SPIDR: variants seen among roughly 807,000 people sequenced by gnomAD.
SPIDR encodes scaffold protein involved in DNA repair, also known as DNA repair-scaffolding protein.
SPIDR carries 93 observed loss-of-function variants against 104.6 expected under a neutral mutation model. That is an observed-to-expected ratio of 0.89 (90% CI 0.75 to 1.06). The LOEUF (loss-of-function observed/expected upper bound fraction) is 1.06. SPIDR is among the 50% of genes least tolerant of loss of function. The probability of loss-of-function intolerance (pLI) is 0.00; values close to 1 mark genes in which losing one functional copy is unlikely to be tolerated. For synonymous variants in SPIDR, 431 were observed against 416.9 expected (o/e 1.03, Z -0.41); for missense variants, 1,154 against 1,111.2 (o/e 1.04, Z -0.55).
chr8:47,421,900 T>A (rs951292505), intron 7 of SPIDR, among the ~76,000 whole-genome samples: 1 of 152,210 alleles, frequency 6.6e-6, no homozygotes. Flanking sequence ...TGCCTGGGTA[T>A]CAGCAGCGGA....
intron 11 of SPIDR, among the ~76,000 whole-genome samples, chr8:47,686,653 A>G (rs2077868486): frequency 6.6e-6 from 1 of 152,214 alleles, no homozygotes; most frequent in African/African-American, 2.4e-5. Flanking sequence ...ACCAAATTCC[A>G]AAGTCTGATT....
intron 8 of SPIDR, among the ~76,000 whole-genome samples, chr8:47,515,131 A>G (rs2082920408): frequency 6.6e-6 from 1 of 152,196 alleles, no homozygotes; most frequent in African/African-American, 2.4e-5. Context: ...CTTAACCTCC[A>G]CATCTGACCC....
rs547135362 is a variant in SPIDR at position 47,667,826 on chromosome 8, G to A, written c.1545-5975G>A. On this transcript the variant is annotated intron_variant, in intron 10 of 19. Transcript: ENST00000297423. Reference sequence around the variant, plus strand: ...TTGGAAAGCTACAGAGAAGATTAGCGTGGCCCCTGGGCAAGGATGACATGC... The same window carrying A: ...TTGGAAAGCTACAGAGAAGATTAGCATGGCCCCTGGGCAAGGATGACATGC... The A allele has an allele frequency of 7.9e-5, 12 of 152,100 alleles. No individual in the cohort carries two copies. In the South Asian group the frequency reaches 8.3e-4, roughly 11 times the overall value. 9.4% of individuals were successfully genotyped at this position (152,100 alleles called of 1,614,324 possible). A position where few individuals can be genotyped will look rare whatever the true frequency, so the allele number is the denominator to read the frequency against.
intron 10 of SPIDR, among the ~76,000 whole-genome samples, chr8:47,657,545 G>A (rs1050861989): frequency 6.6e-6 from 1 of 152,086 alleles, no homozygotes; most frequent in Non-Finnish European, 1.5e-5. Flanking sequence ...CTAAATATGT[G>A]ACACACATAC....
intron 10 of SPIDR, among the ~76,000 whole-genome samples, chr8:47,614,811 C>T (rs1254311204): frequency 6.6e-6 from 1 of 152,162 alleles, no homozygotes. Context: ...TTTATATTCC[C>T]ATCAACAGTG....
chr8:47,550,001 A>G (rs533472180), intron 8 of SPIDR, among the ~76,000 whole-genome samples: 1 of 152,310 alleles, frequency 6.6e-6, no homozygotes, highest in East Asian at 1.9e-4. Flanking sequence ...CAGTTTTCCC[A>G]GCACCATTTA....
In SPIDR at chr8:47,511,192, A is replaced by G. The variant is rs1408673995; in HGVS notation, c.1097+70650A>G. On this transcript the variant is annotated intron_variant, in intron 8 of 19. Coordinates refer to ENST00000297423, the MANE Select transcript of SPIDR (RefSeq NM_001080394.4). ...CACAATGAAGAGTTGGATGTTGCTG[A>G]TCCTGTGGCTGTGGTTAAATTTCTG... The G allele has an allele frequency of 3.8e-6, 6 of 1,584,062 alleles. No individual in the cohort carries two copies. The African/African-American group carries it at 5.4e-5, about 14-fold the overall frequency.
chr8:47,409,312 T>C (rs1554669596), intron 7 of SPIDR, among the ~76,000 whole-genome samples: 1 of 152,120 alleles, frequency 6.6e-6, no homozygotes, highest in Non-Finnish European at 1.5e-5. Context: ...TTCCAACAAA[T>C]GAGTTTATTC....
chr8:47,509,689 G>A lies in SPIDR; in HGVS notation c.1097+69147G>A, dbSNP rs146982755. 3.2e-3 allele frequency among the ~76,000 whole-genome samples: 487 copies of A among 152,166 alleles called. 1 individual carries two copies. The highest frequency in any genetic ancestry group is 0.011 in the African/African-American group (474 of 41,514). ...CTCTTTAGATAACTGTATGGTATTCGTAAAACTAGATTCTTACAGATGAGG... is the reference window on the plus strand; with the variant it reads ...CTCTTTAGATAACTGTATGGTATTCATAAAACTAGATTCTTACAGATGAGG... On this transcript the variant is annotated intron_variant, in intron 8 of 19. Transcript: ENST00000297423.
chr8:47,627,366 T>G (rs1470813882), intron 10 of SPIDR, among the ~76,000 whole-genome samples: 2 of 152,096 alleles, frequency 1.3e-5, no homozygotes, highest in African/African-American at 4.8e-5. Context: ...TGTGCACATG[T>G]ACCCTAAAAC....
At chr8:47,573,064 T>A (rs2058709599) in intron 8 of SPIDR, among the ~76,000 whole-genome samples, 1 of 152,254 alleles carries the variant, frequency 6.6e-6, no homozygotes, top group Non-Finnish European at 1.5e-5. Context: ...TTTCAGGTAA[T>A]AAGTTTAAGA....
chr8:47,687,921 G>A (rs1482581635), intron 11 of SPIDR, among the ~76,000 whole-genome samples: 4 of 151,906 alleles, frequency 2.6e-5, no homozygotes, highest in Non-Finnish European at 4.4e-5. Context: ...AATTAGCCGA[G>A]TGTGGTGGTG....
chr8:47,342,093 A>G (rs2050863027), intron 5 of SPIDR, among the ~76,000 whole-genome samples: 1 of 152,134 alleles, frequency 6.6e-6, no homozygotes, highest in Non-Finnish European at 1.5e-5. Flanking sequence ...AAGTCTAACT[A>G]TTTGTACTAA....
In SPIDR at chr8:47,405,550, ATTG is replaced by A. The variant is rs782405430; in HGVS notation, c.777-2308_777-2306del. On this transcript the variant is annotated intron_variant, in intron 6 of 19. Coordinates refer to ENST00000297423, the MANE Select transcript of SPIDR (RefSeq NM_001080394.4). ...TCTTTATCCTTCTTTACTTCTCCATATTGTTTTTATAGAAATGTTTACCAATGT... is the reference window on the plus strand; with the variant it reads ...TCTTTATCCTTCTTTACTTCTCCATATTTTTATAGAAATGTTTACCAATGT... Among the ~76,000 whole-genome samples, 6 of 152,084 alleles carry A rather than the reference ATTG, an allele frequency of 3.9e-5. No individual in the cohort carries two copies. In the South Asian group the frequency reaches 6.2e-4, roughly 16 times the overall value.
At chr8:47,438,563 G>A (rs1554694070) in intron 7 of SPIDR, among the ~76,000 whole-genome samples, 1 of 152,222 alleles carries the variant, frequency 6.6e-6, no homozygotes, top group African/African-American at 2.4e-5. Context: ...AAGCATCTGT[G>A]TGTTCACTTC....
At chr8:47,328,991 CCA>C in intron 5 of SPIDR, among the ~76,000 whole-genome samples, 1 of 151,968 alleles carries the variant, frequency 6.6e-6, no homozygotes, top group African/African-American at 2.4e-5. Context: ...ATGGCAAACT[CCA>C]CTTCCTGGGT....
intron 8 of SPIDR, among the ~76,000 whole-genome samples, chr8:47,486,288 A>G (rs1346130522): frequency 6.6e-6 from 1 of 152,194 alleles, no homozygotes; most frequent in Non-Finnish European, 1.5e-5. Context: ...TGAAGCAACA[A>G]AAGAAGTTTA....
At chr8:47,436,902 C>T (rs953041216) in intron 7 of SPIDR, among the ~76,000 whole-genome samples, 1 of 152,094 alleles carries the variant, frequency 6.6e-6, no homozygotes, top group South Asian at 2.1e-4. Flanking sequence ...TAGCCCTGTC[C>T]CTGACCTAGT....
intron 10 of SPIDR, among the ~76,000 whole-genome samples, chr8:47,640,174 T>G (rs1230320078): frequency 6.6e-6 from 1 of 152,196 alleles, no homozygotes; most frequent in Non-Finnish European, 1.5e-5. Context: ...TCCTGCCATT[T>G]AATGCTGCAG....
Sources: allele counts gnomAD v4.1 joint callset (sites outside exome capture counted in the v4.1 genomes callset), GRCh38; gene constraint gnomAD v4.1.1; transcripts MANE v1.5; gene names NCBI Gene and HGNC (gene_info 2026-07-23, HGNC 2026-07-21).